The following NPEPPS variants were observed in gnomAD, a reference collection of about 807,000 sequenced individuals.
NPEPPS encodes the protein puromycin-sensitive aminopeptidase.
NPEPPS carries 14 observed loss-of-function variants against 115.5 expected under a neutral mutation model. That is an observed-to-expected ratio of 0.12 (90% CI 0.08 to 0.19). NPEPPS has a LOEUF of 0.19. NPEPPS is among the 10% of genes least tolerant of loss of function. The probability of loss-of-function intolerance (pLI) is 1.00; values close to 1 mark genes in which losing one functional copy is unlikely to be tolerated. For synonymous variants in NPEPPS, 285 were observed against 390.6 expected (o/e 0.73, Z 3.19); for missense variants, 523 against 1,110.8 (o/e 0.47, Z 7.52).
intron 2 of NPEPPS, among the ~76,000 whole-genome samples, chr17:47,560,174 G>A (rs1722802084): frequency 6.6e-6 from 1 of 151,522 alleles, no homozygotes; most frequent in South Asian, 2.1e-4. Context: ...GAGATAATTA[G>A]TTTGAATTAT....
intron 3 of NPEPPS, among the ~76,000 whole-genome samples, chr17:47,575,671 C>T (rs1317865595): frequency 2.0e-5 from 3 of 150,894 alleles, no homozygotes; most frequent in Non-Finnish European, 4.4e-5. Context: ...GTGGCGCGAT[C>T]TCAGCTCACT....
intron 2 of NPEPPS, among the ~76,000 whole-genome samples, chr17:47,560,115 T>G (rs1456190409): frequency 6.6e-6 from 1 of 151,920 alleles, no homozygotes; most frequent in Non-Finnish European, 1.5e-5. Flanking sequence ...TAAGGAGAGG[T>G]TTTCCCTTCC....
chr17:47,612,970 T>A (rs971771809), intron 18 of NPEPPS, among the ~76,000 whole-genome samples: 5 of 152,250 alleles, frequency 3.3e-5, no homozygotes, highest in African/African-American at 9.6e-5. Flanking sequence ...TAACTTTTTT[T>A]AAAAAGCCTG....
chr17:47,621,708 C>T (rs929095297), intron 22 of NPEPPS, 60 bp from the exon 23 acceptor site: 327 of 1,493,792 alleles, frequency 2.2e-4, no homozygotes, highest in Non-Finnish European at 2.7e-4. Flanking sequence ...TTTTCATAAC[C>T]TGTAATATTA....
intron 22 of NPEPPS, 98 bp from the exon 23 acceptor site, chr17:47,621,670 G>T: frequency 5.3e-6 from 6 of 1,131,536 alleles, no homozygotes; most frequent in Non-Finnish European, 7.4e-6. Flanking sequence ...TGAAGATTAT[G>T]CATCCTTCAT....
intron 3 of NPEPPS, among the ~76,000 whole-genome samples, chr17:47,574,039 T>C (rs1425835059): frequency 6.6e-6 from 1 of 151,546 alleles, no homozygotes; most frequent in Non-Finnish European, 1.5e-5. Context: ...AAAGAAGACT[T>C]GTTATGGAAA....
upstream of NPEPPS, among the ~76,000 whole-genome samples, chr17:47,527,204 C>T (rs1279097582): frequency 6.6e-6 from 1 of 152,102 alleles, no homozygotes; most frequent in Admixed American, 6.6e-5. Flanking sequence ...AAGTGTTGGC[C>T]AGGCATAGTG....
chr17:47,593,963 T>TG (rs1485880220), intron 12 of NPEPPS, among the ~76,000 whole-genome samples: 1 of 152,186 alleles, frequency 6.6e-6, no homozygotes, highest in Non-Finnish European at 1.5e-5. Context: ...GAGACCAGCC[T>TG]GGGCACCATG....
At chr17:47,608,922 G>A (rs1421666474) in intron 17 of NPEPPS, among the ~76,000 whole-genome samples, 1 of 152,166 alleles carries the variant, frequency 6.6e-6, no homozygotes, top group Admixed American at 6.6e-5. Context: ...GAGTAGTGGG[G>A]AACAATAATG....
At chr17:47,567,008 T>C (rs1472718510) in intron 2 of NPEPPS, among the ~76,000 whole-genome samples, 5 of 151,996 alleles carry the variant, frequency 3.3e-5, no homozygotes, top group Non-Finnish European at 5.9e-5. Flanking sequence ...CCGAACCTGA[T>C]GGGAAAGGTA....
chr17:47,581,032 C>A (rs1036810476), intron 4 of NPEPPS: 1 of 152,234 alleles, frequency 6.6e-6, no homozygotes, highest in Non-Finnish European at 1.5e-5. Context: ...ATAGGCCCAG[C>A]TCATTCAACT....
Position 47,596,818 on chromosome 17 carries a change from C to T in NPEPPS, c.1536+356C>T, listed in dbSNP as rs193021130. On this transcript the variant is annotated intron_variant, in intron 13 of 22. Coordinates refer to ENST00000322157, the MANE Select transcript of NPEPPS (RefSeq NM_006310.4). ...ATCCCAACACTCTGGGAGGCCGTGG[C>T]GGGTGGATCACTTGAGGTCGGGAGT... Among the ~76,000 whole-genome samples the T allele has an allele frequency of 2.0e-4, 31 of 152,254 alleles. 1 individual carries two copies. Among genetic ancestry groups the T allele is most frequent in the African/African-American group, 7.2e-4 (30 of 41,554 alleles).
chr17:47,612,411 A>G (rs1466181342), intron 17 of NPEPPS, 49 bp from the exon 18 acceptor site: 1 of 1,595,786 alleles, frequency 6.3e-7, no homozygotes, highest in East Asian at 2.2e-5. Context: ...CAAACTTATA[A>G]AAATAGGCTT....
chr17:47,613,257 CTTTTTTTTTTT>C lies in NPEPPS; in HGVS notation c.2239-398_2239-388del, dbSNP rs753383358. Among the ~76,000 whole-genome samples, 736 of 98,232 alleles carry C rather than the reference CTTTTTTTTTTT, an allele frequency of 7.5e-3. 5 individuals are homozygous for C. Among genetic ancestry groups the C allele is most frequent in the Non-Finnish European group, 0.011 (523 of 49,242 alleles). The allele number at this position is 98,232 out of a possible 152,430, so 64.4% of individuals were successfully genotyped here. ...GTAATATTCACATTTATAATATTTA[CTTTTTTTTTTT>C]TTTTTTTTTTTTTCTGAGACGGAGT... On this transcript the variant is annotated intron_variant, in intron 18 of 22. Transcript: ENST00000322157.
chr17:47,572,460 G>T (rs1217791940), intron 3 of NPEPPS, among the ~76,000 whole-genome samples: 2 of 144,506 alleles, frequency 1.4e-5, no homozygotes, highest in Admixed American at 7.2e-5. Context: ...AAAAAGCAAA[G>T]ACAAATCTAA....
Position 47,548,590 on chromosome 17 carries a change from C to CT in NPEPPS, c.340+2618dup, listed in dbSNP as rs538733982. Among the ~76,000 whole-genome samples the CT allele has an allele frequency of 7.1e-3, 746 of 104,700 alleles. 6 individuals carry two copies. The highest frequency in any genetic ancestry group is 0.011 in the South Asian group (35 of 3,070). 68.7% of individuals were successfully genotyped at this position (104,700 alleles called of 152,430 possible). A position where few individuals can be genotyped will look rare whatever the true frequency, so the allele number is the denominator to read the frequency against. On this transcript the variant is annotated intron_variant, in intron 2 of 22. Transcript: ENST00000322157. ...ATAGAATTCAGGTGACTGAAAAGTTCTTTTTTTTTTTTTTTTTTTTTGAGA... is the reference window on the plus strand; with the variant it reads ...ATAGAATTCAGGTGACTGAAAAGTTCTTTTTTTTTTTTTTTTTTTTTTGAGA...
In NPEPPS at chr17:47,539,535, G is replaced by A. The variant is rs1908598830; in HGVS notation, c.256-6374G>A. On this transcript the variant is annotated intron_variant, in intron 1 of 22. Transcript: ENST00000322157. ...GACTGTGCATGCTTTTTTTGGGGGG[G>A]GAATAAAATGTCACAGATATCACTA... 2.6e-5 allele frequency among the ~76,000 whole-genome samples: 4 copies of A among 151,862 alleles called. No homozygotes were observed. The South Asian group carries it at 8.3e-4, about 32-fold the overall frequency.
intron 17 of NPEPPS, among the ~76,000 whole-genome samples, chr17:47,607,622 G>C (rs1167962665): frequency 6.6e-6 from 1 of 152,208 alleles, no homozygotes; most frequent in Non-Finnish European, 1.5e-5. Context: ...AGAGGAGGCA[G>C]GGAGACCATT....
intron 18 of NPEPPS, among the ~76,000 whole-genome samples, chr17:47,613,385 G>A (rs1319011197): frequency 6.7e-6 from 1 of 148,722 alleles, no homozygotes; most frequent in Non-Finnish European, 1.5e-5. Flanking sequence ...CCGTGCCTCA[G>A]CCTCCTGAGT....
Sources: gnomAD v4.1 joint callset for allele counts (sites outside exome capture counted in the v4.1 genomes callset) on GRCh38, gnomAD v4.1.1 for gene constraint, MANE v1.5 for transcripts, NCBI Gene and HGNC (gene_info 2026-07-23, HGNC 2026-07-21) for gene names.